Variants in STAG1 observed in about 807,000 individuals in gnomAD.
The protein encoded by STAG1 is cohesin subunit SA-1.
Under a neutral mutation model 170.9 loss-of-function variants are expected in STAG1, and 26 were observed. The ratio of observed to expected loss-of-function variants is 0.15; its 90% confidence interval spans 0.11 to 0.21. STAG1 has a LOEUF of 0.21. STAG1 is among the 10% of genes least tolerant of loss of function. STAG1 has a pLI of 1.00. For synonymous variants in STAG1, 514 were observed against 497.7 expected (o/e 1.03, Z -0.44); for missense variants, 964 against 1,509.5 (o/e 0.64, Z 5.99).
At chr3:136,453,437 A>C (rs1299367091) in intron 13 of STAG1, among the ~76,000 whole-genome samples, 2 of 151,868 alleles carry the variant, frequency 1.3e-5, no homozygotes, top group Non-Finnish European at 2.9e-5. Context: ...TAAAAATACA[A>C]AAAATTAGCC....
intron 16 of STAG1, among the ~76,000 whole-genome samples, chr3:136,430,666 T>C (rs1387382821): frequency 1.3e-5 from 2 of 150,646 alleles, no homozygotes; most frequent in East Asian, 3.9e-4. Context: ...CATAGTGTTT[T>C]AAGTTTAAAA....
intron 21 of STAG1, among the ~76,000 whole-genome samples, chr3:136,417,169 G>T (rs1436028258): frequency 2.6e-5 from 4 of 151,908 alleles, no homozygotes; most frequent in Non-Finnish European, 5.9e-5. Flanking sequence ...TTTAATATAA[G>T]ATTATTATTG....
chr3:136,339,898 C>T (rs1056354162), intron 32 of STAG1, among the ~76,000 whole-genome samples: 6 of 152,074 alleles, frequency 3.9e-5, no homozygotes, highest in East Asian at 1.9e-4. Context: ...GCTGAAGCAC[C>T]GTGGATTTTT....
At chr3:136,751,804 C>CGGGCGGGGGGGGGCGGA (rs966722973) in intron 1 of STAG1, among the ~76,000 whole-genome samples, 50 of 121,132 alleles carry the variant, frequency 4.1e-4, no homozygotes, top group Middle Eastern at 4.2e-3. Context: ...CCCGAGAGCC[C>CGGGCGGGGGGGGGCGGA]GGGCGGGGGG....
At chr3:136,720,682 G>A (rs1367558414) in intron 1 of STAG1, among the ~76,000 whole-genome samples, 3 of 152,028 alleles carry the variant, frequency 2.0e-5, no homozygotes, top group Admixed American at 6.6e-5. Context: ...CCTGCTACTC[G>A]GGAGGTTGAG....
At chr3:136,507,565 A>C (rs902412843) in intron 7 of STAG1, among the ~76,000 whole-genome samples, 2 of 151,998 alleles carry the variant, frequency 1.3e-5, no homozygotes, top group Admixed American at 6.6e-5. Flanking sequence ...TGGGGGTCCC[A>C]CTATATTGCC....
intron 3 of STAG1, among the ~76,000 whole-genome samples, chr3:136,608,457 G>A (rs1576661823): frequency 6.6e-6 from 1 of 151,110 alleles, no homozygotes; most frequent in South Asian, 2.1e-4. Context: ...ATTGAGCCGG[G>A]GAGGCAGAGT....
At chr3:136,357,484 TAAG>T (rs888633041) in intron 28 of STAG1, among the ~76,000 whole-genome samples, 7 of 152,144 alleles carry the variant, frequency 4.6e-5, no homozygotes, top group Admixed American at 1.3e-4. Context: ...AACTGCATAA[TAAG>T]AAATCATTTC....
chr3:136,415,809 G>A (rs558479521), intron 21 of STAG1, among the ~76,000 whole-genome samples: 2 of 152,250 alleles, frequency 1.3e-5, no homozygotes, highest in African/African-American at 2.4e-5. Context: ...GTGACAGAGC[G>A]AGACTCGGTC....
intron 1 of STAG1, among the ~76,000 whole-genome samples, chr3:136,703,126 A>G (rs1312014132): frequency 6.6e-6 from 1 of 151,808 alleles, no homozygotes; most frequent in Non-Finnish European, 1.5e-5. Context: ...TGGCCAAGTT[A>G]AGAAGCTCCA....
chr3:136,588,906 G>A (rs1937991980), intron 4 of STAG1, among the ~76,000 whole-genome samples: 1 of 152,146 alleles, frequency 6.6e-6, no homozygotes, highest in African/African-American at 2.4e-5. Flanking sequence ...CGGACTACAG[G>A]CACGTGTCAC....
intron 1 of STAG1, among the ~76,000 whole-genome samples, chr3:136,654,853 T>TTAC (rs1941324939): frequency 1.3e-5 from 2 of 152,244 alleles, no homozygotes; most frequent in Non-Finnish European, 2.9e-5. Flanking sequence ...CTTGCATGCA[T>TTAC]GGTAACATGA....
At chr3:136,379,582 G>A (rs1041020882) in intron 22 of STAG1, among the ~76,000 whole-genome samples, 11 of 152,138 alleles carry the variant, frequency 7.2e-5, no homozygotes, top group Non-Finnish European at 1.3e-4. Context: ...GGTGGTGCAT[G>A]CCTGTAATCC....
At chr3:136,405,369 G>A (rs2087451222) in intron 21 of STAG1, among the ~76,000 whole-genome samples, 1 of 149,116 alleles carries the variant, frequency 6.7e-6, no homozygotes. Flanking sequence ...AGCTTTCCGA[G>A]TAGCTAGGAT....
At chr3:136,739,503 C>CAA (rs1165327249) in intron 1 of STAG1, among the ~76,000 whole-genome samples, 66 of 45,640 alleles carry the variant, frequency 1.4e-3, no homozygotes, top group Admixed American at 2.6e-3. Flanking sequence ...CAGACTCCGT[C>CAA]AAAAAAAAAA....
intron 4 of STAG1, chr3:136,591,618 G>C: frequency 6.2e-6 from 2 of 323,534 alleles, no homozygotes; most frequent in South Asian, 4.9e-5. Context: ...TGGTATAACA[G>C]ACAAGAAATA....
At chr3:136,456,934 T>C (rs1374763710) in intron 13 of STAG1, among the ~76,000 whole-genome samples, 3 of 152,144 alleles carry the variant, frequency 2.0e-5, no homozygotes, top group African/African-American at 7.2e-5. Context: ...GAAAGACAGA[T>C]AAAGACTTTC....
At chr3:136,708,967 CTTT>C (rs61595071) in intron 1 of STAG1, among the ~76,000 whole-genome samples, 12 of 86,076 alleles carry the variant, frequency 1.4e-4, no homozygotes, top group East Asian at 4.8e-4. Context: ...CTGCAGCTGG[CTTT>C]TTTTTTTTTT....
chr3:136,464,800 A>C, intron 13 of STAG1, 81 bp downstream of exon 13: 1 of 1,183,296 alleles, frequency 8.5e-7, no homozygotes, highest in East Asian at 2.5e-5. Flanking sequence ...TTCAGTCACT[A>C]TTACTCTCTT....
Sources: gnomAD v4.1 joint callset for allele counts (sites outside exome capture counted in the v4.1 genomes callset) on GRCh38, gnomAD v4.1.1 for gene constraint, MANE v1.5 for transcripts, NCBI Gene and HGNC (gene_info 2026-07-23, HGNC 2026-07-21) for gene names.